DTWD1: variants seen among roughly 807,000 people sequenced by gnomAD.
DTWD1 encodes the protein tRNA-uridine aminocarboxypropyltransferase 1.
A neutral mutation model predicts 30.2 loss-of-function variants in DTWD1; 27 were observed. That is an observed-to-expected ratio of 0.90 (90% CI 0.66 to 1.23). The LOEUF is 1.23. DTWD1 is among the 50% of genes most tolerant of loss of function. The pLI, the probability that DTWD1 is intolerant of heterozygous loss-of-function variation, is 0.00. For synonymous variants in DTWD1, 99 were observed against 113.1 expected (o/e 0.88, Z 0.79); for missense variants, 342 against 348.8 (o/e 0.98, Z 0.15).
intron 1 of DTWD1, among the ~76,000 whole-genome samples, 182 bp from the exon 2 acceptor site, chr15:49,624,931 A>G (rs1241724984): frequency 6.6e-6 from 1 of 152,232 alleles, no homozygotes; most frequent in Non-Finnish European, 1.5e-5. Context: ...TATTTGAAAT[A>G]ACTTTCAGTT....
intron 4 of DTWD1, among the ~76,000 whole-genome samples, chr15:49,642,523 A>C (rs780599204): frequency 4.7e-4 from 71 of 152,208 alleles, no homozygotes; most frequent in Non-Finnish European, 6.6e-4. Flanking sequence ...CTGTTCATGA[A>C]TATAGCCTGA....
chr15:49,633,191 T>C (rs1312642507), intron 3 of DTWD1, among the ~76,000 whole-genome samples: 1 of 151,660 alleles, frequency 6.6e-6, no homozygotes, highest in African/African-American at 2.4e-5. Context: ...TTAAATAGAA[T>C]GTAGTGCTAT....
Position 49,655,351 on chromosome 15 carries a change from G to C in DTWD1, c.*11773G>C, listed in dbSNP as rs952452156. On this transcript the variant is annotated 3_prime_UTR_variant, in exon 5 of 5. Transcript: ENST00000403028. ...TGATAACTGATACAACAGTCTTTTC[G>C]TTAGTAGAAGAGGGGGTAAGAAAGA... 1 of 151,986 alleles carries C rather than the reference G, an allele frequency of 6.6e-6. No homozygotes were observed. Among genetic ancestry groups the C allele is most frequent in the Admixed American group, 6.6e-5 (1 of 15,242 alleles). 9.4% of individuals were successfully genotyped at this position (151,986 alleles called of 1,614,324 possible). A position where few individuals can be genotyped will look rare whatever the true frequency, so the allele number is the denominator to read the frequency against.
In DTWD1 at chr15:49,647,382, T is replaced by C. The variant is rs930503727; in HGVS notation, c.*3804T>C. 6.6e-6 allele frequency: 1 copy of C among 152,198 alleles called. No homozygotes were observed. Among genetic ancestry groups the C allele is most frequent in the African/African-American group, 2.4e-5 (1 of 41,460 alleles). 9.4% of individuals were successfully genotyped at this position (152,198 alleles called of 1,614,324 possible). On this transcript the variant is annotated 3_prime_UTR_variant, in exon 5 of 5. Coordinates refer to ENST00000403028, the MANE Select transcript of DTWD1 (RefSeq NM_001144955.2). ...ATTTTCTAGTTCTGCATATCCTAGG[T>C]TATGTATTTCATTTCAGTTCCATTT...
At position 49,645,368 on chromosome 15, in the gene DTWD1, T is replaced by C. The variant is rs1004955644; in HGVS notation, c.*1790T>C. On this transcript the variant is annotated 3_prime_UTR_variant, in exon 5 of 5. Coordinates refer to ENST00000403028, the MANE Select transcript of DTWD1 (RefSeq NM_001144955.2). ...GTTTGGTTCAGTAAGGTCACCATTA[T>C]ATTATGCTATTCATAAAAAGGAATG... 6.6e-6 allele frequency: 1 copy of C among 152,196 alleles called. No homozygotes were observed. The highest frequency in any genetic ancestry group is 1.5e-5 in the Non-Finnish European group (1 of 68,032). 9.4% of individuals were successfully genotyped at this position (152,196 alleles called of 1,614,324 possible). A position where few individuals can be genotyped will look rare whatever the true frequency, so the allele number is the denominator to read the frequency against.
In DTWD1 at chr15:49,626,664, T is replaced by A. The variant is rs951769080; in HGVS notation, c.264+1233T>A. 6.5e-5 allele frequency: 24 copies of A among 371,204 alleles called. 1 individual carries two copies. In the Admixed American group the frequency reaches 7.0e-4, roughly 11 times the overall value. 23.0% of individuals were successfully genotyped at this position (371,204 alleles called of 1,614,324 possible). A position where few individuals can be genotyped will look rare whatever the true frequency, so the allele number is the denominator to read the frequency against. On this transcript the variant is annotated intron_variant, in intron 2 of 4. Transcript: ENST00000403028. Reference sequence around the variant, plus strand: ...AATAAGTTGTAGCTATATTTTAAAATTTGTTTTGATGATTTTAAAGTTCAT... The same window carrying A: ...AATAAGTTGTAGCTATATTTTAAAAATTGTTTTGATGATTTTAAAGTTCAT...
chr15:49,632,017 A>T lies in DTWD1; in HGVS notation c.265-142A>T, dbSNP rs767967819. The T allele has an allele frequency of 6.6e-5, 55 of 833,980 alleles. No individual in the cohort carries two copies. The African/African-American group carries it at 8.9e-4, about 13-fold the overall frequency. 51.7% of individuals were successfully genotyped at this position (833,980 alleles called of 1,614,324 possible). ...GGTTTTGTAACAATCACCATTCTTA[A>T]TATTATGGTATATCTTTTAAACCAT... On this transcript the variant is annotated intron_variant, in intron 2 of 4. Coordinates refer to ENST00000403028, the MANE Select transcript of DTWD1 (RefSeq NM_001144955.2).
chr15:49,643,759 A>G lies in DTWD1; in HGVS notation c.*181A>G, dbSNP rs1167287134. 33 of 599,658 alleles carry G rather than the reference A, an allele frequency of 5.5e-5. No individual in the cohort carries two copies. Among genetic ancestry groups the G allele is most frequent in the Non-Finnish European group, 5.0e-6 (2 of 398,982 alleles). 37.1% of individuals were successfully genotyped at this position (599,658 alleles called of 1,614,324 possible). On this transcript the variant is annotated 3_prime_UTR_variant, in exon 5 of 5. Coordinates refer to ENST00000403028, the MANE Select transcript of DTWD1 (RefSeq NM_001144955.2). ...AATTGTATCTGGGGGAATTTTTCAG[A>G]GATACTGTTGATTGAAAAACTTACT...
At chr15:49,632,535 T>C (rs1353789558) in intron 3 of DTWD1, among the ~76,000 whole-genome samples, 1 of 152,230 alleles carries the variant, frequency 6.6e-6, no homozygotes, top group East Asian at 1.9e-4. Flanking sequence ...TTCTGCCTTA[T>C]TTCTTCAGGT....
intron 4 of DTWD1, among the ~76,000 whole-genome samples, chr15:49,638,456 C>G (rs1326003944): frequency 6.6e-6 from 1 of 152,112 alleles, no homozygotes; most frequent in East Asian, 1.9e-4. Flanking sequence ...CTACTTCAAC[C>G]CCTGTCCTTT....
In DTWD1 at chr15:49,647,241, G is replaced by C. The variant is rs2153354492; in HGVS notation, c.*3663G>C. On this transcript the variant is annotated 3_prime_UTR_variant, in exon 5 of 5. Coordinates refer to ENST00000403028, the MANE Select transcript of DTWD1 (RefSeq NM_001144955.2). ...TCAGAAGTCTTAAAAAGGAGTAAATGGCCACACCTTTTATTTGTTCTTTTC... is the reference window on the plus strand; with the variant it reads ...TCAGAAGTCTTAAAAAGGAGTAAATCGCCACACCTTTTATTTGTTCTTTTC... The C allele has an allele frequency of 6.6e-6, 1 of 152,268 alleles. No homozygotes were observed. Among genetic ancestry groups the C allele is most frequent in the African/African-American group, 2.4e-5 (1 of 41,570 alleles). 9.4% of individuals were successfully genotyped at this position (152,268 alleles called of 1,614,324 possible).
rs78960233 is a variant in DTWD1 at position 49,634,023 on chromosome 15, G to C, written c.409-513G>C. ...CACATAATGAGATCGTTGAACCAAA[G>C]GGTATGAATATTTTAAGACTCTTGA... On this transcript the variant is annotated intron_variant, in intron 3 of 4. Transcript: ENST00000403028. Among the ~76,000 whole-genome samples, 830 of 152,246 alleles carry C rather than the reference G, an allele frequency of 5.5e-3. 16 individuals are homozygous for C. The highest frequency in any genetic ancestry group is 0.019 in the African/African-American group (795 of 41,536).
chr15:49,634,608 C>T lies in DTWD1; in HGVS notation c.481C>T (p.Gln161Ter). ...TTCTTTTCATCTGCAAAAAAGGATT[C>T]AAAATAATGTTAGAGGCAAAAATGA... The part of the protein sequence containing the change: ...DISFHLQKRI[Q>*]NNVRGKNDDP... Residue 161 changes from glutamine (Q) to a stop codon, truncating the protein, a stop_gained, in exon 4 of 5, where the codon CAA becomes TAA. Coordinates refer to ENST00000403028, the MANE Select transcript of DTWD1 (RefSeq NM_001144955.2). LOFTEE classifies it high-confidence loss of function. 2.5e-6 allele frequency: 4 copies of T among 1,613,588 alleles called. No individual in the cohort carries two copies. Among genetic ancestry groups the T allele is most frequent in the Non-Finnish European group, 3.4e-6 (4 of 1,179,828 alleles).
chr15:49,623,226 A>AT (rs1457350198), intron 1 of DTWD1, among the ~76,000 whole-genome samples: 1 of 152,132 alleles, frequency 6.6e-6, no homozygotes, highest in Non-Finnish European at 1.5e-5. Flanking sequence ...ATCAAATTTC[A>AT]TTTTTTAGGA....
At chr15:49,628,861 A>G (rs1025212945) in intron 2 of DTWD1, among the ~76,000 whole-genome samples, 4 of 151,782 alleles carry the variant, frequency 2.6e-5, no homozygotes, top group Non-Finnish European at 5.9e-5. Context: ...TTTTTTAATT[A>G]TACTTTAAGT....
At chr15:49,638,972 A>G (rs2079034423) in intron 4 of DTWD1, among the ~76,000 whole-genome samples, 1 of 152,090 alleles carries the variant, frequency 6.6e-6, no homozygotes, top group African/African-American at 2.4e-5. Context: ...TCCAAATTAT[A>G]TTTAAATGGC....
rs1247747123 is a variant in DTWD1 at position 49,648,968 on chromosome 15, C to T, written c.*5390C>T. On this transcript the variant is annotated 3_prime_UTR_variant, in exon 5 of 5. Transcript: ENST00000403028. The stretch of plus-strand genomic sequence containing the variant: ...AGGAAAAAAACTTAAGATTAAGGGC[C>T]AATCTAAGAGGTCCTTCATTTGAAT... 4 of 151,922 alleles carry T rather than the reference C, an allele frequency of 2.6e-5. No individual in the cohort carries two copies. Among genetic ancestry groups the T allele is most frequent in the Non-Finnish European group, 5.9e-5 (4 of 67,988 alleles). 9.4% of individuals were successfully genotyped at this position (151,922 alleles called of 1,614,324 possible).
intron 4 of DTWD1, among the ~76,000 whole-genome samples, chr15:49,641,625 C>T (rs538232170): frequency 6.6e-5 from 10 of 151,904 alleles, no homozygotes; most frequent in Admixed American, 3.3e-4. Context: ...CTCTTGTTGG[C>T]GTATGTTCAG....
intron 4 of DTWD1, among the ~76,000 whole-genome samples, chr15:49,638,197 A>C (rs1402896143): frequency 6.6e-6 from 1 of 152,224 alleles, no homozygotes; most frequent in African/African-American, 2.4e-5. Flanking sequence ...AAAAAACATA[A>C]GTAAAAACCC....
Sources: gnomAD v4.1 joint callset for allele counts (sites outside exome capture counted in the v4.1 genomes callset) on GRCh38, gnomAD v4.1.1 for gene constraint, MANE v1.5 for transcripts, NCBI Gene and HGNC (gene_info 2026-07-23, HGNC 2026-07-21) for gene names.